The following KIAA0825 variants were observed in gnomAD, a reference collection of about 807,000 sequenced individuals.
KIAA0825 encodes the protein uncharacterized protein KIAA0825.
Under a neutral mutation model 147.6 loss-of-function variants are expected in KIAA0825, and 119 were observed. That is an observed-to-expected ratio of 0.81 (90% CI 0.69 to 0.94). The LOEUF (loss-of-function observed/expected upper bound fraction) is 0.94. Among genes scored for constraint, KIAA0825 ranks in the 40% least tolerant of loss-of-function variants. The pLI is 0.00. For synonymous variants in KIAA0825, 470 were observed against 518.1 expected, an observed-to-expected ratio of 0.91 and a Z score of 1.26; for missense variants, 1,381 against 1,472.7, an observed-to-expected ratio of 0.94 and a Z score of 1.02.
intron 20 of KIAA0825, among the ~76,000 whole-genome samples, chr5:94,211,558 A>G (rs747467865): frequency 5.3e-5 from 8 of 152,070 alleles, no homozygotes; most frequent in Non-Finnish European, 1.2e-4. Flanking sequence ...CCCATCCTGG[A>G]CTGTATTTCC....
chr5:94,314,216 T>A (rs1393619799), intron 20 of KIAA0825, among the ~76,000 whole-genome samples: 2 of 151,704 alleles, frequency 1.3e-5, no homozygotes, highest in Non-Finnish European at 3.0e-5. Flanking sequence ...AACTTTTTGC[T>A]CTATTCCTTC....
chr5:94,250,261 C>T (rs2150119574), intron 20 of KIAA0825, among the ~76,000 whole-genome samples: 1 of 152,172 alleles, frequency 6.6e-6, no homozygotes, highest in African/African-American at 2.4e-5. Context: ...CATAACTCAA[C>T]AATTTTAAAG....
chr5:94,212,616 T>C (rs1056198846), intron 20 of KIAA0825, among the ~76,000 whole-genome samples: 2 of 152,170 alleles, frequency 1.3e-5, no homozygotes, highest in Non-Finnish European at 2.9e-5. Context: ...CACTCCCAAG[T>C]CTCACAGGAG....
intron 5 of KIAA0825, among the ~76,000 whole-genome samples, chr5:94,504,943 T>C (rs955821474): frequency 3.3e-5 from 5 of 151,854 alleles, no homozygotes; most frequent in Non-Finnish European, 7.4e-5. Context: ...AGATGGGGTT[T>C]CCCTATGTTG....
chr5:94,403,279 G>A, intron 16 of KIAA0825, among the ~76,000 whole-genome samples: 1 of 152,154 alleles, frequency 6.6e-6, no homozygotes, highest in Non-Finnish European at 1.5e-5. Flanking sequence ...GAGAAAATTA[G>A]TCAAAATCAT....
At chr5:94,559,871 G>A (rs1194475078) in intron 2 of KIAA0825, among the ~76,000 whole-genome samples, 1 of 152,140 alleles carries the variant, frequency 6.6e-6, no homozygotes, top group Non-Finnish European at 1.5e-5. Flanking sequence ...TTTTGAGGTG[G>A]CTGTCAGAAG....
chr5:94,608,836 C>T (rs1277988633), intron 1 of KIAA0825, among the ~76,000 whole-genome samples: 1 of 151,714 alleles, frequency 6.6e-6, no homozygotes, highest in Non-Finnish European at 1.5e-5. Context: ...ACAAGAGTCT[C>T]CTGATGAGAC....
At chr5:94,512,960 C>A (rs1317173408) in intron 5 of KIAA0825, among the ~76,000 whole-genome samples, 1 of 152,038 alleles carries the variant, frequency 6.6e-6, no homozygotes, top group Non-Finnish European at 1.5e-5. Context: ...CAGAAGCTGG[C>A]AAAGTTTTAG....
At chr5:94,508,928 G>C (rs543364429) in intron 5 of KIAA0825, among the ~76,000 whole-genome samples, 8 of 152,136 alleles carry the variant, frequency 5.3e-5, no homozygotes, top group Non-Finnish European at 1.2e-4. Flanking sequence ...CAACTCTGTT[G>C]GGAATGAGCA....
chr5:94,231,421 T>G (rs894173210), intron 20 of KIAA0825, among the ~76,000 whole-genome samples: 22 of 152,156 alleles, frequency 1.4e-4, no homozygotes, highest in Admixed American at 1.4e-3. Flanking sequence ...TCTGAAATAC[T>G]GCACCCTGTT....
At chr5:94,569,491 G>A (rs1779460722) in intron 2 of KIAA0825, 2 of 410,326 alleles carry the variant, frequency 4.9e-6, no homozygotes, top group Non-Finnish European at 8.9e-6. Flanking sequence ...CTACAACCAC[G>A]ACCAATGATA....
intron 20 of KIAA0825, among the ~76,000 whole-genome samples, chr5:94,271,652 G>A (rs1436124884): frequency 1.3e-5 from 2 of 152,126 alleles, no homozygotes; most frequent in Non-Finnish European, 2.9e-5. Flanking sequence ...GGAGGCTGAG[G>A]CGGGAGAATC....
intron 20 of KIAA0825, among the ~76,000 whole-genome samples, chr5:94,212,087 G>GT (rs879575783): frequency 1.3e-5 from 2 of 152,104 alleles, no homozygotes; most frequent in Admixed American, 1.3e-4. Flanking sequence ...TAAAATTATT[G>GT]TATGATTTCA....
At chr5:94,163,890 A>G (rs901267841) in intron 20 of KIAA0825, among the ~76,000 whole-genome samples, 17 of 152,214 alleles carry the variant, frequency 1.1e-4, no homozygotes, top group African/African-American at 4.1e-4. Flanking sequence ...ATAAATGGTA[A>G]TGGTAGGAAA....
intron 3 of KIAA0825, among the ~76,000 whole-genome samples, chr5:94,533,569 C>T (rs1029752041): frequency 4.6e-5 from 7 of 152,196 alleles, no homozygotes; most frequent in African/African-American, 1.4e-4. Flanking sequence ...GCCACCACAT[C>T]CAGCCTATGC....
chr5:94,180,848 AT>A (rs970806006), intron 20 of KIAA0825, among the ~76,000 whole-genome samples: 1 of 151,684 alleles, frequency 6.6e-6, no homozygotes, highest in South Asian at 2.1e-4. Context: ...AGTGGTTTTT[AT>A]TTTTTTCAGA....
At chr5:94,155,386 T>G (rs910169328) in intron 20 of KIAA0825, among the ~76,000 whole-genome samples, 1 of 151,738 alleles carries the variant, frequency 6.6e-6, no homozygotes, top group Non-Finnish European at 1.5e-5. Flanking sequence ...CCTGGCCAAT[T>G]TTTTTAATTT....
At chr5:94,158,416 T>A (rs542260903) in intron 20 of KIAA0825, among the ~76,000 whole-genome samples, 4 of 152,102 alleles carry the variant, frequency 2.6e-5, no homozygotes, top group Non-Finnish European at 5.9e-5. Flanking sequence ...ACATGGAGGG[T>A]ATTTTTGGCT....
At chr5:94,615,171 G>C (rs1266953964) in intron 1 of KIAA0825, among the ~76,000 whole-genome samples, 5 of 151,748 alleles carry the variant, frequency 3.3e-5, no homozygotes, top group African/African-American at 1.2e-4. Flanking sequence ...ACATATAAAA[G>C]CTTACATAAA....
Sources: gnomAD v4.1 joint callset for allele counts (sites outside exome capture counted in the v4.1 genomes callset) on GRCh38, gnomAD v4.1.1 for gene constraint, MANE v1.5 for transcripts, NCBI Gene and HGNC (gene_info 2026-07-23, HGNC 2026-07-21) for gene names.